The following STK32B variants were observed in gnomAD, a reference collection of about 807,000 sequenced individuals.
STK32B encodes serine/threonine kinase 32B.
Under a neutral mutation model 52.6 loss-of-function variants are expected in STK32B, and 43 were observed. That is an observed-to-expected ratio of 0.82 (90% confidence interval 0.64 to 1.05). STK32B has a LOEUF of 1.05. Among genes scored for constraint, STK32B ranks in the 50% least tolerant of loss-of-function variants. STK32B has a pLI of 0.00. For synonymous variants in STK32B, 238 were observed against 204.3 expected (o/e 1.17, Z -1.41); for missense variants, 621 against 534.6 (o/e 1.16, Z -1.59).
the STK32B span, among the ~76,000 whole-genome samples, chr4:5,039,635 TAGTC>T: frequency 6.6e-6 from 1 of 152,252 alleles, no homozygotes; most frequent in Admixed American, 6.5e-5. Flanking sequence ...ACTTTTAACA[TAGTC>T]ATTTATTATC....
chr4:5,178,225 C>G (rs959414492), intron 3 of STK32B, among the ~76,000 whole-genome samples: 4 of 152,234 alleles, frequency 2.6e-5, no homozygotes, highest in Admixed American at 6.5e-5. Context: ...TTCTATGCAT[C>G]CATATGCCCA....
At chr4:5,303,302 G>A (rs924188537) in intron 3 of STK32B, among the ~76,000 whole-genome samples, 2 of 152,036 alleles carry the variant, frequency 1.3e-5, no homozygotes, top group Non-Finnish European at 2.9e-5. Context: ...CCCACCAACA[G>A]TGTAAAAGTG....
At chr4:5,312,118 C>T (rs1478023071) in intron 3 of STK32B, among the ~76,000 whole-genome samples, 3 of 151,478 alleles carry the variant, frequency 2.0e-5, no homozygotes, top group Non-Finnish European at 4.4e-5. Flanking sequence ...TTGAAATATA[C>T]TTTATGGGAT....
intron 3 of STK32B, among the ~76,000 whole-genome samples, chr4:5,308,064 G>A (rs1252892731): frequency 2.0e-5 from 3 of 152,276 alleles, no homozygotes; most frequent in East Asian, 3.9e-4. Flanking sequence ...AGGGTCCTCG[G>A]TTGTATTTTT....
intron 11 of STK32B, among the ~76,000 whole-genome samples, chr4:5,478,576 T>A (rs1577570385): frequency 6.6e-6 from 1 of 152,186 alleles, no homozygotes; most frequent in Non-Finnish European, 1.5e-5. Flanking sequence ...TTATATTGAG[T>A]TTTTACTTAG....
chr4:5,049,933 G>A (rs937640441), upstream of STK32B, among the ~76,000 whole-genome samples: 11 of 152,200 alleles, frequency 7.2e-5, no homozygotes, highest in Non-Finnish European at 1.2e-4. Flanking sequence ...GAAAGGGAAA[G>A]TTCTCTTATT....
chr4:5,427,031 A>ATAAGGTTT (rs1471989549), intron 6 of STK32B: 1 of 152,218 alleles, frequency 6.6e-6, no homozygotes, highest in African/African-American at 2.4e-5. Context: ...GATGTCAACT[A>ATAAGGTTT]TAAGGTTTTT....
At chr4:5,055,006 G>A (rs1260348557) in intron 1 of STK32B, among the ~76,000 whole-genome samples, 1 of 152,082 alleles carries the variant, frequency 6.6e-6, no homozygotes, top group Non-Finnish European at 1.5e-5. Flanking sequence ...TGGCTTTACT[G>A]TGGATGGCAT....
At chr4:5,094,801 G>A (rs1713290009) in intron 1 of STK32B, among the ~76,000 whole-genome samples, 1 of 152,200 alleles carries the variant, frequency 6.6e-6, no homozygotes, top group Non-Finnish European at 1.5e-5. Flanking sequence ...ACTTTTGACT[G>A]TGTAGGGAGT....
At chr4:5,254,468 A>C (rs572558915) in intron 3 of STK32B, among the ~76,000 whole-genome samples, 5 of 152,246 alleles carry the variant, frequency 3.3e-5, no homozygotes, top group African/African-American at 1.2e-4. Flanking sequence ...AAATACTTAC[A>C]TACATACATT....
chr4:5,389,963 G>T (rs915974923), intron 4 of STK32B, among the ~76,000 whole-genome samples: 38 of 152,230 alleles, frequency 2.5e-4, no homozygotes, highest in African/African-American at 9.2e-4. Context: ...CCGCAAGGGG[G>T]TGCCAGCAGT....
At chr4:5,236,087 T>G (rs571287137) in intron 3 of STK32B, among the ~76,000 whole-genome samples, 1 of 152,302 alleles carries the variant, frequency 6.6e-6, no homozygotes, top group African/African-American at 2.4e-5. Flanking sequence ...CTTACTGGCA[T>G]GTCAATTATG....
chr4:5,361,694 A>T (rs1250993878), intron 4 of STK32B, among the ~76,000 whole-genome samples: 1 of 152,250 alleles, frequency 6.6e-6, no homozygotes, highest in African/African-American at 2.4e-5. Context: ...TTCTGTAATA[A>T]AGAGCTTAAA....
chr4:5,149,316 TG>T (rs1717161242), intron 2 of STK32B, among the ~76,000 whole-genome samples: 1 of 152,094 alleles, frequency 6.6e-6, no homozygotes, highest in African/African-American at 2.4e-5. Context: ...TTAGTTGTAT[TG>T]TTTAGTTCAT....
intron 3 of STK32B, among the ~76,000 whole-genome samples, chr4:5,297,674 G>GTTTTTTTTTTTTT: frequency 6.7e-6 from 1 of 148,354 alleles, no homozygotes. Context: ...CTAGTTAGCA[G>GTTTTTTTTTTTTT]TTCCTGTAAC....
chr4:5,438,986 T>A (rs1714419043), intron 6 of STK32B, among the ~76,000 whole-genome samples: 1 of 151,866 alleles, frequency 6.6e-6, no homozygotes, highest in South Asian at 2.1e-4. Flanking sequence ...CCACATTTTC[T>A]TAATCCAGTC....
intron 9 of STK32B, among the ~76,000 whole-genome samples, chr4:5,462,442 G>A (rs1479879092): frequency 2.6e-5 from 4 of 152,066 alleles, no homozygotes; most frequent in South Asian, 2.1e-4. Context: ...CCTTGGGGCC[G>A]GCAGGGGCAG....
chr4:5,325,105 C>A (rs1016786384), intron 3 of STK32B, among the ~76,000 whole-genome samples: 9 of 152,180 alleles, frequency 5.9e-5, no homozygotes, highest in Admixed American at 5.9e-4. Flanking sequence ...TTGCTTTACC[C>A]CATGTGGCAT....
At chr4:5,273,776 G>A (rs909519822) in intron 3 of STK32B, among the ~76,000 whole-genome samples, 7 of 139,380 alleles carry the variant, frequency 5.0e-5, no homozygotes, top group African/African-American at 1.1e-4. Flanking sequence ...CTCACTCATA[G>A]GTGGGAATTG....
Sources: allele counts gnomAD v4.1 joint callset (sites outside exome capture counted in the v4.1 genomes callset), GRCh38; gene constraint gnomAD v4.1.1; transcripts MANE v1.5; gene names NCBI Gene and HGNC (gene_info 2026-07-23, HGNC 2026-07-21).